Variants in CDK8 observed in about 807,000 individuals in gnomAD.
The protein encoded by CDK8 is cyclin-dependent kinase 8.
CDK8 carries 29 observed loss-of-function variants against 71.5 expected under a neutral mutation model. The ratio of observed to expected loss-of-function variants is 0.41; its 90% confidence interval spans 0.30 to 0.55. The LOEUF is 0.55. Among genes scored for constraint, CDK8 ranks in the 20% least tolerant of loss-of-function variants. The pLI, the probability that CDK8 is intolerant of heterozygous loss-of-function variation, is 0.37. For missense variants in CDK8, 288 were observed against 572.6 expected (o/e 0.50, Z 5.07); for synonymous variants, 161 against 192.1 (o/e 0.84, Z 1.34).
chr13:26,274,539 C>A (rs1020517254), intron 1 of CDK8, among the ~76,000 whole-genome samples: 6 of 151,698 alleles, frequency 4.0e-5, no homozygotes, highest in African/African-American at 1.2e-4. Context: ...TCATGCCATT[C>A]TCCTGCCTCA....
intron 1 of CDK8, among the ~76,000 whole-genome samples, chr13:26,272,837 A>AT (rs1270277382): frequency 6.6e-6 from 1 of 152,190 alleles, no homozygotes; most frequent in Non-Finnish European, 1.5e-5. Context: ...TTTCAGCTCT[A>AT]TTTTAATCTT....
At chr13:26,317,560 A>G (rs1193196064) in intron 1 of CDK8, among the ~76,000 whole-genome samples, 2 of 152,220 alleles carry the variant, frequency 1.3e-5, no homozygotes, top group Non-Finnish European at 2.9e-5. Context: ...GAGTCTCAAT[A>G]GTTTTTTAAA....
intron 4 of CDK8, among the ~76,000 whole-genome samples, chr13:26,364,171 C>G (rs999668407): frequency 1.6e-4 from 25 of 152,200 alleles, no homozygotes; most frequent in South Asian, 6.2e-4. Context: ...TCCTCTAGTT[C>G]AGTGATTTTT....
Position 26,254,606 on chromosome 13 carries a change from C to T in CDK8, c.-36C>T, listed in dbSNP as rs925111856. 1.9e-5 allele frequency: 29 copies of T among 1,542,658 alleles called. No individual in the cohort carries two copies. The highest frequency in any genetic ancestry group is 2.5e-5 in the Non-Finnish European group (28 of 1,139,846). On this transcript the variant is annotated 5_prime_UTR_variant, in exon 1 of 13. Coordinates refer to ENST00000381527, the MANE Select transcript of CDK8 (RefSeq NM_001260.3). This position sits in a 1 kb window ranked among gnomAD's most constrained non-coding sequence, Gnocchi z 6.7. Reference sequence around the variant, plus strand: ...CGGTCCCCACCCCTGCCCCCCGGCCCCCCGACCCAGCTCTCCGGCCTCAGA... The same window carrying T: ...CGGTCCCCACCCCTGCCCCCCGGCCTCCCGACCCAGCTCTCCGGCCTCAGA...
chr13:26,324,933 TA>T (rs1422283898), intron 1 of CDK8: 1 of 201,202 alleles, frequency 5.0e-6, no homozygotes, highest in Non-Finnish European at 8.8e-6. Context: ...CCAAGACAAA[TA>T]TTTTTTTAAG....
chr13:26,312,684 C>T (rs571979677), intron 1 of CDK8, among the ~76,000 whole-genome samples: 30 of 152,290 alleles, frequency 2.0e-4, no homozygotes, highest in Non-Finnish European at 3.2e-4. Flanking sequence ...TTGAAGTCAG[C>T]GAGACCAAGA....
intron 1 of CDK8, among the ~76,000 whole-genome samples, chr13:26,329,472 T>TG (rs1411826740): frequency 1.6e-5 from 2 of 127,872 alleles, no homozygotes; most frequent in African/African-American, 5.7e-5. Context: ...TATTTCTGTT[T>TG]TTTTTTTTTT....
chr13:26,387,919 G>A lies in CDK8; in HGVS notation c.646+2577G>A, dbSNP rs149092950. On this transcript the variant is annotated intron_variant, in intron 6 of 12. Transcript: ENST00000381527. ...GGGTATCTAAACTCCACTAAAACAGGTGTACCTCACCTCACTGTTCACCGT... is the reference window on the plus strand; with the variant it reads ...GGGTATCTAAACTCCACTAAAACAGATGTACCTCACCTCACTGTTCACCGT... Among the ~76,000 whole-genome samples the A allele has an allele frequency of 3.1e-4, 47 of 152,216 alleles. No homozygotes were observed. The East Asian group carries it at 6.0e-3, about 19-fold the overall frequency.
intron 1 of CDK8, among the ~76,000 whole-genome samples, chr13:26,291,118 C>CA (rs11448258): frequency 0.58 from 80,062 of 138,970 alleles, 22,856 homozygotes; most frequent in Middle Eastern, 0.68. Flanking sequence ...GCCTCCATCT[C>CA]AAAAAAAAAA....
intron 1 of CDK8, among the ~76,000 whole-genome samples, chr13:26,265,084 G>T (rs1370226895): frequency 6.6e-6 from 1 of 152,118 alleles, no homozygotes; most frequent in African/African-American, 2.4e-5. Context: ...TTTCCTTGGG[G>T]TAGAGATACC....
intron 1 of CDK8, among the ~76,000 whole-genome samples, chr13:26,262,060 A>T (rs1871792867): frequency 2.0e-5 from 3 of 152,014 alleles, no homozygotes; most frequent in East Asian, 1.9e-4. Context: ...TTGTGCTGGA[A>T]TTTTTTTTGT....
At chr13:26,330,787 G>A (rs909440320) in intron 1 of CDK8, among the ~76,000 whole-genome samples, 2 of 152,012 alleles carry the variant, frequency 1.3e-5, no homozygotes, top group African/African-American at 4.8e-5. Context: ...TGTGTGTGTG[G>A]TTGAATAGTA....
chr13:26,324,754 A>ATT, intron 1 of CDK8: 4 of 569,110 alleles, frequency 7.0e-6, no homozygotes, highest in African/African-American at 4.1e-5. Context: ...ATAAGTTTAA[A>ATT]TTTTTTTTTC....
At chr13:26,255,915 A>AG (rs1410801902) in intron 1 of CDK8, among the ~76,000 whole-genome samples, 2 of 152,170 alleles carry the variant, frequency 1.3e-5, no homozygotes. Context: ...ACTGTGGGGT[A>AG]GGGGGGCGCA....
chr13:26,375,016 T>C (rs990892695), intron 4 of CDK8, among the ~76,000 whole-genome samples: 6 of 152,182 alleles, frequency 3.9e-5, no homozygotes, highest in African/African-American at 1.2e-4. Context: ...ATGAGCTATA[T>C]AAATTATGGT....
intron 1 of CDK8, among the ~76,000 whole-genome samples, chr13:26,330,649 C>T (rs1348921084): frequency 1.3e-5 from 2 of 151,838 alleles, no homozygotes; most frequent in East Asian, 1.9e-4. Context: ...TTTTTTAGCT[C>T]CCACAGGTTA....
At chr13:26,305,990 T>C (rs929320736) in intron 1 of CDK8, among the ~76,000 whole-genome samples, 9 of 152,210 alleles carry the variant, frequency 5.9e-5, no homozygotes, top group Admixed American at 2.6e-4. Context: ...TTTTTTATAC[T>C]GTATTTGGAA....
intron 9 of CDK8, among the ~76,000 whole-genome samples, chr13:26,399,734 G>C (rs879823779): frequency 1.3e-5 from 2 of 152,180 alleles, no homozygotes; most frequent in Non-Finnish European, 2.9e-5. Context: ...AAAACAACCT[G>C]TGATAATAGT....
At position 26,300,667 on chromosome 13, in the gene CDK8, A is replaced by C. The variant is rs572522607; in HGVS notation, c.129-36900A>C. The stretch of plus-strand genomic sequence containing the variant: ...AAAGGTCGTCCAGATATTAGATTAG[A>C]GTAGATACAGGGAAATTTAAGATCC... On this transcript the variant is annotated intron_variant, in intron 1 of 12. Transcript: ENST00000381527. 2.6e-5 allele frequency among the ~76,000 whole-genome samples: 4 copies of C among 152,284 alleles called. No individual in the cohort carries two copies. In the South Asian group the frequency reaches 8.3e-4, roughly 32 times the overall value.
Sources: gnomAD v4.1 joint callset for allele counts (sites outside exome capture counted in the v4.1 genomes callset) on GRCh38, gnomAD v4.1.1 for gene constraint, Gnocchi (gnomAD v3.1) non-coding constraint, MANE v1.5 for transcripts, NCBI Gene and HGNC (gene_info 2026-07-23, HGNC 2026-07-21) for gene names.